FGF18: variants seen among roughly 807,000 people sequenced by gnomAD.
FGF18 encodes fibroblast growth factor 18.
In FGF18, 5 loss-of-function variants were observed where a neutral mutation model predicts 23.0. The observed-to-expected ratio is 0.22, with a 90% CI of 0.11 to 0.46. FGF18 has a LOEUF of 0.46. FGF18 is among the 20% of genes least tolerant of loss of function. The pLI, the probability that FGF18 is intolerant of heterozygous loss-of-function variation, is 0.99. For synonymous variants in FGF18, 117 were observed against 118.9 expected (o/e 0.98, Z 0.10); for missense variants, 180 against 291.6 (o/e 0.62, Z 2.79).
At chr5:171,423,600 G>A (rs1772052507) in intron 2 of FGF18, among the ~76,000 whole-genome samples, 1 of 152,030 alleles carries the variant, frequency 6.6e-6, no homozygotes, top group Non-Finnish European at 1.5e-5. Flanking sequence ...CTCACCACAA[G>A]AAGTGTTCAA....
At chr5:171,452,017 T>A (rs1466687550) in intron 4 of FGF18, among the ~76,000 whole-genome samples, 1 of 152,224 alleles carries the variant, frequency 6.6e-6, no homozygotes, top group East Asian at 1.9e-4. Context: ...TCTGCATCCA[T>A]TCATCTGAGT....
chr5:171,447,024 G>A (rs1175001047), intron 3 of FGF18, among the ~76,000 whole-genome samples: 1 of 152,104 alleles, frequency 6.6e-6, no homozygotes, highest in Non-Finnish European at 1.5e-5. Flanking sequence ...AAACAGTTTG[G>A]TTTTTGCAGT....
At chr5:171,421,615 G>A (rs943673550) in intron 2 of FGF18, among the ~76,000 whole-genome samples, 3 of 152,160 alleles carry the variant, frequency 2.0e-5, no homozygotes, top group Non-Finnish European at 4.4e-5. Context: ...TGAGCACTGC[G>A]CGACTCAACA....
At chr5:171,430,419 GA>G (rs1772163128) in intron 2 of FGF18, among the ~76,000 whole-genome samples, 1 of 150,420 alleles carries the variant, frequency 6.6e-6, no homozygotes, top group South Asian at 2.1e-4. Flanking sequence ...TACATAGGAA[GA>G]CATCCCTCAA....
chr5:171,437,639 G>A lies in FGF18; in HGVS notation c.250+1366G>A, dbSNP rs185771452. 9.0e-4 allele frequency among the ~76,000 whole-genome samples: 137 copies of A among 152,198 alleles called. 1 individual carries two copies. The highest frequency in any genetic ancestry group is 1.6e-4 in the Non-Finnish European group (11 of 68,002). ...CCTCCCCACCTCTCCCAGGCCCTCTGCTGGCTGCCTCTATGGGGCCTCCCA... is the reference window on the plus strand; with the variant it reads ...CCTCCCCACCTCTCCCAGGCCCTCTACTGGCTGCCTCTATGGGGCCTCCCA... On this transcript the variant is annotated intron_variant, in intron 3 of 4. Transcript: ENST00000274625.
At chr5:171,432,520 G>A (rs57693850) in intron 2 of FGF18, among the ~76,000 whole-genome samples, 2,967 of 152,078 alleles carry the variant, frequency 0.02, 92 homozygotes, top group African/African-American at 0.067. Context: ...GTGATTCTCC[G>A]GCCTCAGCCT....
intron 3 of FGF18, among the ~76,000 whole-genome samples, chr5:171,439,627 G>T (rs1296147556): frequency 6.6e-6 from 1 of 152,160 alleles, no homozygotes. Context: ...GAGCCTCCAT[G>T]TCTGGGCTTA....
intron 4 of FGF18, among the ~76,000 whole-genome samples, chr5:171,449,692 AC>A (rs2113361907): frequency 6.6e-6 from 1 of 152,248 alleles, no homozygotes; most frequent in East Asian, 1.9e-4. Context: ...CCAGGGGCTT[AC>A]CGTCCTGCAG....
chr5:171,444,119 TC>T (rs1320042745), intron 3 of FGF18, among the ~76,000 whole-genome samples: 1 of 152,164 alleles, frequency 6.6e-6, no homozygotes, highest in East Asian at 1.9e-4. Context: ...CCCTCCTTCC[TC>T]AAAGTCATTT....
rs975119444 is a variant in FGF18, at chr5:171,451,548, T to G, written c.357+2295T>G. Among the ~76,000 whole-genome samples, 2 of 152,178 alleles carry G rather than the reference T, an allele frequency of 1.3e-5. No individual in the cohort carries two copies. Among genetic ancestry groups the G allele is most frequent in the Non-Finnish European group, 2.9e-5 (2 of 68,010 alleles). ...ATCGTTGCCCCAGCCGCCTGGCGTG[T>G]GGCTTCTGCATCTCCAGGCCTTTCC... On this transcript the variant is annotated intron_variant, in intron 4 of 4. Transcript: ENST00000274625. The surrounding 1 kb of genome is among the most constrained non-coding windows in gnomAD (Gnocchi z 4.5).
At chr5:171,420,489 G>C in intron 2 of FGF18, 46 bp downstream of exon 2, 1 of 1,586,380 alleles carries the variant, frequency 6.3e-7, no homozygotes, top group Non-Finnish European at 8.6e-7. Context: ...CTGCCTCGCG[G>C]TACACGCCGA....
intron 2 of FGF18, among the ~76,000 whole-genome samples, chr5:171,432,852 C>T (rs1046479704): frequency 1.1e-4 from 17 of 152,188 alleles, no homozygotes; most frequent in African/African-American, 4.1e-4. Flanking sequence ...CACTTTTGGC[C>T]GCCGCCTTTT....
chr5:171,432,208 C>A (rs1772191221), intron 2 of FGF18, among the ~76,000 whole-genome samples: 1 of 152,184 alleles, frequency 6.6e-6, no homozygotes, highest in East Asian at 1.9e-4. Flanking sequence ...GGGCACCGAG[C>A]CAAGTGACCT....
chr5:171,443,501 AT>A (rs59576538), intron 3 of FGF18, among the ~76,000 whole-genome samples: 2,762 of 62,712 alleles, frequency 0.044, 32 homozygotes, highest in African/African-American at 0.066. Flanking sequence ...TGTTATCATC[AT>A]TTTTTTTTTT....
At position 171,451,700 on chromosome 5, in the gene FGF18, G is replaced by A. The variant is rs919523564; in HGVS notation, c.357+2447G>A. 6.6e-6 allele frequency among the ~76,000 whole-genome samples: 1 copy of A among 152,152 alleles called. No individual in the cohort carries two copies. Among genetic ancestry groups the A allele is most frequent in the Non-Finnish European group, 1.5e-5 (1 of 68,014 alleles). The stretch of plus-strand genomic sequence containing the variant: ...CCCACCTTGCTATGGGACACCGAAG[G>A]CCCTGGGGAGCCTCCCCGGGCACAT... On this transcript the variant is annotated intron_variant, in intron 4 of 4. Transcript: ENST00000274625. The surrounding 1 kb of genome is among the most constrained non-coding windows in gnomAD (Gnocchi z 4.5).
chr5:171,433,602 C>T (rs1772209836), intron 2 of FGF18, among the ~76,000 whole-genome samples: 1 of 152,090 alleles, frequency 6.6e-6, no homozygotes, highest in African/African-American at 2.4e-5. Flanking sequence ...GTATCAGACC[C>T]GGGCTGTGAG....
At chr5:171,450,604 C>A (rs1175454896) in intron 4 of FGF18, among the ~76,000 whole-genome samples, 1 of 152,250 alleles carries the variant, frequency 6.6e-6, no homozygotes, top group East Asian at 1.9e-4. Context: ...ACTGAGGCTT[C>A]TCAAAGAGCA....
At chr5:171,427,231 C>G (rs1223891613) in intron 2 of FGF18, among the ~76,000 whole-genome samples, 5 of 151,970 alleles carry the variant, frequency 3.3e-5, no homozygotes, top group Non-Finnish European at 5.9e-5. Context: ...AGAGAAATAC[C>G]TACTTCTTAA....
At chr5:171,421,199 T>G (rs753241164) in intron 2 of FGF18, among the ~76,000 whole-genome samples, 2 of 152,044 alleles carry the variant, frequency 1.3e-5, no homozygotes, top group African/African-American at 2.4e-5. Context: ...ACGCAGACAG[T>G]TGGAACGCTC....
Sources: gnomAD v4.1 joint callset for allele counts (sites outside exome capture counted in the v4.1 genomes callset) on GRCh38, gnomAD v4.1.1 for gene constraint, Gnocchi (gnomAD v3.1) non-coding constraint, MANE v1.5 for transcripts, NCBI Gene and HGNC (gene_info 2026-07-23, HGNC 2026-07-21) for gene names.